The following PRKG1 variants were observed in gnomAD, a reference collection of about 807,000 sequenced individuals.
PRKG1 encodes the protein protein kinase cGMP-dependent 1, also known as cGMP-dependent protein kinase 1.
PRKG1 carries 35 observed loss-of-function variants against 88.1 expected under a neutral mutation model. The observed-to-expected ratio is 0.40, with a 90% confidence interval of 0.30 to 0.53. The LOEUF (loss-of-function observed/expected upper bound fraction) is 0.53, where lower values mean the gene tolerates loss of function less well. Ranked by LOEUF, PRKG1 falls within the 20% of genes least tolerant of loss-of-function variation. PRKG1 has a pLI of 0.59. For synonymous variants in PRKG1, 303 were observed against 292.5 expected, an observed-to-expected ratio of 1.04 and a Z score of -0.37; for missense variants, 540 against 839.8, an observed-to-expected ratio of 0.64 and a Z score of 4.41.
At chr10:51,295,200 C>T (rs984512013) in intron 2 of PRKG1, among the ~76,000 whole-genome samples, 12 of 152,112 alleles carry the variant, frequency 7.9e-5, no homozygotes, top group African/African-American at 2.7e-4. Context: ...ATAGCTATTA[C>T]ACCAAATCTG....
intron 2 of PRKG1, among the ~76,000 whole-genome samples, chr10:51,375,235 G>A (rs1466395367): frequency 6.6e-6 from 1 of 151,520 alleles, no homozygotes; most frequent in Non-Finnish European, 1.5e-5. Flanking sequence ...ATGCATTGGA[G>A]TCTTCTTCTG....
intron 1 of PRKG1, among the ~76,000 whole-genome samples, chr10:50,996,579 G>A (rs7069183): frequency 0.89 from 136,025 of 152,272 alleles, 60,908 homozygotes; most frequent in African/African-American, 0.95. Flanking sequence ...TGCTCTTGGG[G>A]TTGCCATTTA....
chr10:51,721,221 A>C (rs1842004842), intron 3 of PRKG1, among the ~76,000 whole-genome samples: 1 of 151,202 alleles, frequency 6.6e-6, no homozygotes, highest in South Asian at 2.1e-4. Flanking sequence ...TTAAAAAAAA[A>C]AAAAAAAAAA....
At chr10:51,392,588 C>A (rs76675303) in intron 2 of PRKG1, among the ~76,000 whole-genome samples, 3 of 151,780 alleles carry the variant, frequency 2.0e-5, no homozygotes, top group Admixed American at 6.6e-5. Flanking sequence ...ACCTTTCCCC[C>A]CTTTCTATTC....
chr10:51,957,809 T>A (rs1218377972), intron 5 of PRKG1, among the ~76,000 whole-genome samples: 5 of 152,316 alleles, frequency 3.3e-5, no homozygotes, highest in African/African-American at 9.6e-5. Context: ...AGTTTGTAAC[T>A]TCACCTGTAA....
chr10:51,575,490 G>A (rs1055587448), intron 3 of PRKG1, among the ~76,000 whole-genome samples: 11 of 151,864 alleles, frequency 7.2e-5, no homozygotes, highest in African/African-American at 7.2e-5. Context: ...CACAGAAAAA[G>A]TTTTATATTT....
intron 1 of PRKG1, among the ~76,000 whole-genome samples, chr10:51,102,052 C>G (rs1259227889): frequency 2.0e-5 from 3 of 152,134 alleles, no homozygotes; most frequent in Non-Finnish European, 4.4e-5. Context: ...ATACCACCAT[C>G]ATGGCCAATG....
chr10:51,495,427 A>C (rs985184585), intron 3 of PRKG1, among the ~76,000 whole-genome samples: 1 of 152,160 alleles, frequency 6.6e-6, no homozygotes, highest in Admixed American at 6.5e-5. Flanking sequence ...GAACTTGAAT[A>C]CTAGTATTAG....
intron 4 of PRKG1, among the ~76,000 whole-genome samples, chr10:51,844,796 G>A (rs903663889): frequency 6.6e-6 from 1 of 152,096 alleles, no homozygotes; most frequent in African/African-American, 2.4e-5. Flanking sequence ...GACAGAGGGA[G>A]GTGATGTTGT....
At position 52,153,478 on chromosome 10, in the gene PRKG1, A is replaced by C. The variant is rs1208829251; in HGVS notation, c.1002-8411A>C. ...TCTCCATTCTGACTGCAATTGGTACACTTTGAAAGAACACTGTGGATTTCA... is the reference window on the plus strand; with the variant it reads ...TCTCCATTCTGACTGCAATTGGTACCCTTTGAAAGAACACTGTGGATTTCA... On this transcript the variant is annotated intron_variant, in intron 8 of 17. Transcript: ENST00000373980. Among the ~76,000 whole-genome samples, 4 of 152,334 alleles carry C rather than the reference A, an allele frequency of 2.6e-5. No individual in the cohort carries two copies. The East Asian group carries it at 7.7e-4, about 29-fold the overall frequency.
intron 3 of PRKG1, among the ~76,000 whole-genome samples, chr10:51,537,452 G>T (rs1178930165): frequency 2.0e-5 from 3 of 152,152 alleles, no homozygotes; most frequent in Admixed American, 6.5e-5. Context: ...ACTCAGAGAG[G>T]CCAGGCGTGG....
chr10:51,697,949 T>C, intron 3 of PRKG1: 1 of 1,598,890 alleles, frequency 6.3e-7, no homozygotes, highest in Non-Finnish European at 8.5e-7. Flanking sequence ...ACTGACTCCT[T>C]GTATGCCTGC....
intron 3 of PRKG1, among the ~76,000 whole-genome samples, chr10:51,717,811 G>A (rs1253420849): frequency 2.0e-5 from 3 of 147,186 alleles, no homozygotes; most frequent in Non-Finnish European, 3.0e-5. Context: ...CAGCCTGGGC[G>A]ACAGAGCGAG....
chr10:50,992,066 C>G (rs1391242489), intron 1 of PRKG1, among the ~76,000 whole-genome samples: 1 of 152,116 alleles, frequency 6.6e-6, no homozygotes, highest in Non-Finnish European at 1.5e-5. Context: ...ACCCCCCGGA[C>G]TCAGGCCACT....
chr10:51,302,267 G>T (rs997930799), intron 2 of PRKG1, among the ~76,000 whole-genome samples: 2 of 152,136 alleles, frequency 1.3e-5, no homozygotes, highest in African/African-American at 4.8e-5. Flanking sequence ...TATTCAAATT[G>T]TATATAACAT....
chr10:51,386,801 T>TCATTTAAAAC (rs1232715375), intron 2 of PRKG1, among the ~76,000 whole-genome samples: 1 of 152,154 alleles, frequency 6.6e-6, no homozygotes, highest in Non-Finnish European at 1.5e-5. Context: ...TTATAATAAA[T>TCATTTAAAAC]CATTTAAGGG....
At chr10:51,339,179 C>T (rs1266240207) in intron 2 of PRKG1, among the ~76,000 whole-genome samples, 1 of 152,100 alleles carries the variant, frequency 6.6e-6, no homozygotes, top group African/African-American at 2.4e-5. Context: ...TGACCTTCTC[C>T]TTTACTTACC....
chr10:51,288,131 T>G (rs1429424415), intron 2 of PRKG1, among the ~76,000 whole-genome samples: 1 of 151,652 alleles, frequency 6.6e-6, no homozygotes, highest in African/African-American at 2.4e-5. Context: ...ATTTTTTAAA[T>G]TTTTTAATTT....
chr10:52,171,616 C>G (rs1380312845), intron 9 of PRKG1, among the ~76,000 whole-genome samples: 2 of 151,916 alleles, frequency 1.3e-5, no homozygotes, highest in African/African-American at 2.4e-5. Flanking sequence ...GTTTCTAAGG[C>G]CACCAATGCT....
Sources: allele counts gnomAD v4.1 joint callset (sites outside exome capture counted in the v4.1 genomes callset), GRCh38; gene constraint gnomAD v4.1.1; transcripts MANE v1.5; gene names NCBI Gene and HGNC (gene_info 2026-07-23, HGNC 2026-07-21).